Variants in APP observed in about 807,000 individuals in gnomAD.
APP encodes the protein amyloid-beta precursor protein.
Under a neutral mutation model 101.4 loss-of-function variants are expected in APP, and 31 were observed. That is an observed-to-expected ratio of 0.31 (90% confidence interval 0.23 to 0.41). APP has a LOEUF of 0.41. Among genes scored for constraint, APP ranks in the 10% least tolerant of loss-of-function variants. The pLI, the probability that APP is intolerant of heterozygous loss-of-function variation, is 1.00. For missense variants in APP, 839 were observed against 1,003.7 expected (o/e 0.84, Z 2.22); for synonymous variants, 366 against 364.4 (o/e 1.00, Z -0.05).
At chr21:25,963,848 T>C (rs2041683151) in intron 11 of APP, among the ~76,000 whole-genome samples, 1 of 152,160 alleles carries the variant, frequency 6.6e-6, no homozygotes, top group African/African-American at 2.4e-5. Flanking sequence ...TCCTGCAAAA[T>C]TTATCCACCT....
At position 26,079,467 on chromosome 21, in the gene APP, G is replaced by A. The variant is rs113121979; in HGVS notation, c.355+10476C>T. 4.7e-3 allele frequency among the ~76,000 whole-genome samples: 716 copies of A among 152,198 alleles called. 6 individuals are homozygous for A. The highest frequency in any genetic ancestry group is 0.016 in the African/African-American group (683 of 41,526). On this transcript the variant is annotated intron_variant, in intron 3 of 17. Transcript: ENST00000346798. ...AAGCAACAGCAGCTGTTTACTGGTT[G>A]GCCCAGAAAAGTTCACATTTCAGAC...
At chr21:26,012,014 CT>C (rs35339887) in intron 6 of APP, among the ~76,000 whole-genome samples, 130 of 145,522 alleles carry the variant, frequency 8.9e-4, no homozygotes, top group Non-Finnish European at 9.7e-4. Flanking sequence ...CTGCCTTAAT[CT>C]TTTTTTTTTT....
intron 6 of APP, among the ~76,000 whole-genome samples, chr21:26,020,515 A>G (rs2044291376): frequency 6.6e-6 from 1 of 152,224 alleles, no homozygotes; most frequent in Non-Finnish European, 1.5e-5. Context: ...GAGGGAGACA[A>G]AATAGCCCAT....
At chr21:26,009,642 T>A (rs2043696422) in intron 6 of APP, 1 of 149,632 alleles carries the variant, frequency 6.7e-6, no homozygotes, top group Admixed American at 6.7e-5. Context: ...CAGGCTAGAG[T>A]ACAATGGAGT....
intron 1 of APP, among the ~76,000 whole-genome samples, chr21:26,149,909 C>CT (rs2092083907): frequency 7.2e-5 from 11 of 152,166 alleles, no homozygotes; most frequent in Admixed American, 7.2e-4. Context: ...CCCCAGCATG[C>CT]TCCCACCTCA....
At chr21:26,155,532 G>A (rs1199272067) in intron 1 of APP, among the ~76,000 whole-genome samples, 1 of 152,066 alleles carries the variant, frequency 6.6e-6, no homozygotes, top group Admixed American at 6.6e-5. Flanking sequence ...CATGCATGAC[G>A]CCCAGAGGAA....
intron 17 of APP, among the ~76,000 whole-genome samples, chr21:25,883,562 A>G (rs1445780808): frequency 6.6e-6 from 1 of 151,880 alleles, no homozygotes; most frequent in African/African-American, 2.4e-5. Flanking sequence ...GCACAGTAGC[A>G]CGTGCCTGTA....
chr21:25,970,564 T>TAA (rs974287355), intron 11 of APP, among the ~76,000 whole-genome samples: 1 of 151,954 alleles, frequency 6.6e-6, no homozygotes, highest in Admixed American at 6.6e-5. Flanking sequence ...TGCAGAGATA[T>TAA]AAAAAAAAAT....
intron 2 of APP, among the ~76,000 whole-genome samples, chr21:26,111,178 C>CA (rs1368305997): frequency 2.0e-5 from 3 of 148,390 alleles, no homozygotes; most frequent in Non-Finnish European, 4.5e-5. Context: ...TTTCTTTTGC[C>CA]AAAAAAATAA....
At chr21:25,995,157 TCAGA>T (rs922659537) in intron 8 of APP, among the ~76,000 whole-genome samples, 16 of 152,182 alleles carry the variant, frequency 1.1e-4, no homozygotes, top group African/African-American at 3.9e-4. Context: ...AATAAATTTA[TCAGA>T]CAATGATGCT....
chr21:26,162,743 A>T (rs1162106069), intron 1 of APP, among the ~76,000 whole-genome samples: 2 of 149,918 alleles, frequency 1.3e-5, no homozygotes, highest in Admixed American at 6.7e-5. Context: ...CAGATCTCTT[A>T]TTCTCATAAG....
intron 3 of APP, among the ~76,000 whole-genome samples, chr21:26,063,397 C>T (rs1568928877): frequency 6.6e-6 from 1 of 152,126 alleles, no homozygotes; most frequent in Non-Finnish European, 1.5e-5. Flanking sequence ...GCATCCTTAA[C>T]ATCCAGATTT....
intron 13 of APP, chr21:25,945,941 C>T: frequency 2.2e-6 from 1 of 455,320 alleles, no homozygotes. Context: ...CTTGGCCTCC[C>T]AAAATGCTGG....
chr21:25,903,640 T>C (rs552976628), intron 15 of APP, among the ~76,000 whole-genome samples: 1 of 152,252 alleles, frequency 6.6e-6, no homozygotes, highest in Non-Finnish European at 1.5e-5. Flanking sequence ...CAATTAGAAC[T>C]GAACTGACCC....
chr21:26,012,378 T>A (rs1454225768), intron 6 of APP, among the ~76,000 whole-genome samples: 1 of 152,050 alleles, frequency 6.6e-6, no homozygotes, highest in Admixed American at 6.6e-5. Flanking sequence ...ATTAAGGGAT[T>A]CTCTTGAGCA....
In APP at chr21:26,082,083, G is replaced by C. The variant is rs551623012; in HGVS notation, c.355+7860C>G. Among the ~76,000 whole-genome samples, 20 of 152,268 alleles carry C rather than the reference G, an allele frequency of 1.3e-4. 1 individual carries two copies. The highest frequency in any genetic ancestry group is 7.9e-4 in the Admixed American group (12 of 15,286). ...AAAGACAAAAAATTAGCTGGGCGTG[G>C]TGGCGGGTGCCAGTAATCCCAGCTA... On this transcript the variant is annotated intron_variant, in intron 3 of 17. Coordinates refer to ENST00000346798, the MANE Select transcript of APP (RefSeq NM_000484.4).
At position 26,170,711 on chromosome 21, in the gene APP, C is replaced by T. The variant is rs2063729138; in HGVS notation, c.-91G>A. ...CCCGCGCCGCCACCGCCGCCGTCTC[C>T]CGGGGCCCCCGCGCACGCTCCTCCG... On this transcript the variant is annotated 5_prime_UTR_variant, in exon 1 of 18. Coordinates refer to ENST00000346798, the MANE Select transcript of APP (RefSeq NM_000484.4). 2 of 1,332,002 alleles carry T rather than the reference C, an allele frequency of 1.5e-6. No individual in the cohort carries two copies. Among genetic ancestry groups the T allele is most frequent in the African/African-American group, 1.5e-5 (1 of 64,794 alleles). 82.5% of individuals were successfully genotyped at this position (1,332,002 alleles called of 1,614,324 possible). A position where few individuals can be genotyped will look rare whatever the true frequency, so the allele number is the denominator to read the frequency against.
chr21:26,162,867 A>G (rs1464379773), intron 1 of APP, among the ~76,000 whole-genome samples: 1 of 144,578 alleles, frequency 6.9e-6, no homozygotes, highest in Non-Finnish European at 1.5e-5. Context: ...AAATTATTAA[A>G]TAAGAGACAA....
chr21:25,895,048 G>C (rs1393239172), intron 16 of APP, among the ~76,000 whole-genome samples: 1 of 151,254 alleles, frequency 6.6e-6, no homozygotes, highest in Non-Finnish European at 1.5e-5. Context: ...TGAAGACTCA[G>C]ATGATCATTA....
Sources: allele counts gnomAD v4.1 joint callset (sites outside exome capture counted in the v4.1 genomes callset), GRCh38; gene constraint gnomAD v4.1.1; transcripts MANE v1.5; gene names NCBI Gene and HGNC (gene_info 2026-07-23, HGNC 2026-07-21).